RBFOX1: variants seen among roughly 807,000 people sequenced by gnomAD.
RBFOX1 encodes RNA binding fox-1 homolog 1.
Under a neutral mutation model 57.7 loss-of-function variants are expected in RBFOX1, and 8 were observed. The observed-to-expected ratio is 0.14, with a 90% CI of 0.08 to 0.25. The LOEUF (loss-of-function observed/expected upper bound fraction) is 0.25, where lower values mean the gene tolerates loss of function less well. Among genes scored for constraint, RBFOX1 ranks in the 10% least tolerant of loss-of-function variants. The pLI, the probability that RBFOX1 is intolerant of heterozygous loss-of-function variation, is 1.00. For missense variants in RBFOX1, 611 were observed against 548.5 expected (o/e 1.11, Z -1.14); for synonymous variants, 326 against 222.4 (o/e 1.47, Z -4.15).
chr16:5,638,261 G>T (rs762760534), intron 3 of RBFOX1, among the ~76,000 whole-genome samples: 127 of 152,288 alleles, frequency 8.3e-4, no homozygotes, highest in Non-Finnish European at 2.9e-4. Context: ...ACCCAGACAG[G>T]TGGAAGAGCC....
At chr16:6,584,134 C>T (rs576743458) in intron 2 of RBFOX1, among the ~76,000 whole-genome samples, 1 of 151,906 alleles carries the variant, frequency 6.6e-6, no homozygotes, top group South Asian at 2.1e-4. Context: ...CTAATGTATT[C>T]TGTGTTCCTA....
intron 4 of RBFOX1, among the ~76,000 whole-genome samples, chr16:5,989,058 C>T (rs1311093951): frequency 4.6e-5 from 7 of 151,704 alleles, no homozygotes; most frequent in Non-Finnish European, 1.0e-4. Flanking sequence ...CGGTGGCTCA[C>T]GCCTGTAATC....
chr16:5,965,684 T>C (rs1274097738), intron 4 of RBFOX1, among the ~76,000 whole-genome samples: 2 of 152,222 alleles, frequency 1.3e-5, no homozygotes, highest in Admixed American at 6.5e-5. Flanking sequence ...ACTGCGTCCC[T>C]AAACCCTGCC....
chr16:6,529,395 C>T (rs2096625353), intron 2 of RBFOX1, among the ~76,000 whole-genome samples: 1 of 151,894 alleles, frequency 6.6e-6, no homozygotes, highest in African/African-American at 2.4e-5. Flanking sequence ...CCCATCTCTA[C>T]TAAAAATACA....
At chr16:5,867,332 T>C (rs766276797) in exon 4 of RBFOX1, 1 of 1,207,244 alleles carries the variant, frequency 8.3e-7, no homozygotes, top group African/African-American at 1.6e-5. Context: ...CAGGCAAAGC[T>C]GAGGTAGGAA....
chr16:5,395,607 C>T (rs1417623812), intron 1 of RBFOX1, among the ~76,000 whole-genome samples: 1 of 152,152 alleles, frequency 6.6e-6, no homozygotes, highest in Non-Finnish European at 1.5e-5. Flanking sequence ...CTTAGGATCT[C>T]CACTTCCTGA....
chr16:6,163,080 C>A (rs1464541380), intron 1 of RBFOX1, among the ~76,000 whole-genome samples: 1 of 152,028 alleles, frequency 6.6e-6, no homozygotes, highest in East Asian at 1.9e-4. Context: ...CAAAATGAGA[C>A]CCAGAGAAGG....
chr16:6,570,687 T>A (rs927194861), intron 2 of RBFOX1, among the ~76,000 whole-genome samples: 5 of 152,216 alleles, frequency 3.3e-5, no homozygotes, highest in Non-Finnish European at 7.3e-5. Flanking sequence ...TGTAGATGAT[T>A]TTGCAGTATC....
intron 3 of RBFOX1, among the ~76,000 whole-genome samples, chr16:7,018,934 C>G (rs1225256320): frequency 6.6e-6 from 1 of 152,056 alleles, no homozygotes; most frequent in Non-Finnish European, 1.5e-5. Context: ...GCCTGGGCAA[C>G]ACAGTGAGAC....
At chr16:6,344,761 G>A (rs2085109396) in intron 2 of RBFOX1, among the ~76,000 whole-genome samples, 1 of 144,622 alleles carries the variant, frequency 6.9e-6, no homozygotes, top group Admixed American at 7.2e-5. Context: ...TATGATCTCG[G>A]CTTACTGCAA....
At chr16:7,226,382 A>G (rs985944933) in intron 4 of RBFOX1, among the ~76,000 whole-genome samples, 13 of 152,312 alleles carry the variant, frequency 8.5e-5, no homozygotes, top group African/African-American at 3.1e-4. Flanking sequence ...AATTTCCAGC[A>G]GGTGTAAGGG....
intron 2 of RBFOX1, among the ~76,000 whole-genome samples, chr16:6,581,387 G>A (rs2097535409): frequency 6.6e-6 from 1 of 152,156 alleles, no homozygotes. Context: ...CTTTTAGGGT[G>A]CTTTATTTTG....
chr16:6,339,218 T>A (rs377114626), intron 2 of RBFOX1, among the ~76,000 whole-genome samples: 1 of 152,164 alleles, frequency 6.6e-6, no homozygotes, highest in Non-Finnish European at 1.5e-5. Context: ...ATTTCCACAA[T>A]TGAGGAGTGT....
intron 2 of RBFOX1, among the ~76,000 whole-genome samples, chr16:5,504,358 C>T (rs953174045): frequency 2.0e-5 from 3 of 152,242 alleles, no homozygotes. Context: ...GCAACGCTTG[C>T]CCAGCCTGGC....
At chr16:7,208,130 G>A (rs953593636) in intron 4 of RBFOX1, among the ~76,000 whole-genome samples, 1 of 152,324 alleles carries the variant, frequency 6.6e-6, no homozygotes, top group Admixed American at 6.5e-5. Flanking sequence ...GGCTGTTTAT[G>A]TATCCCTGGA....
intron 4 of RBFOX1, among the ~76,000 whole-genome samples, chr16:7,326,460 TG>T (rs1466642948): frequency 2.0e-5 from 3 of 151,958 alleles, no homozygotes; most frequent in African/African-American, 7.3e-5. Context: ...GGGGTGTTGG[TG>T]GGGCACTGAA....
chr16:6,917,671 G>T (rs747275502), intron 3 of RBFOX1, among the ~76,000 whole-genome samples: 58 of 152,206 alleles, frequency 3.8e-4, no homozygotes, highest in Admixed American at 2.2e-3. Flanking sequence ...TGTTTTGAAG[G>T]AGGGTCTGTG....
intron 1 of RBFOX1, among the ~76,000 whole-genome samples, chr16:5,437,125 G>A (rs1347897928): frequency 1.3e-5 from 2 of 152,124 alleles, no homozygotes; most frequent in Non-Finnish European, 2.9e-5. Flanking sequence ...TTTATAAATT[G>A]TAGTAAGAAA....
At chr16:5,303,633 C>T (rs75390227) in intron 1 of RBFOX1, among the ~76,000 whole-genome samples, 2,330 of 152,190 alleles carry the variant, frequency 0.015, 58 homozygotes, top group African/African-American at 0.053. Context: ...CTTCCTCTCT[C>T]CCCCACCACA....
Sources: gnomAD v4.1 joint callset for allele counts (sites outside exome capture counted in the v4.1 genomes callset) on GRCh38, gnomAD v4.1.1 for gene constraint, MANE v1.5 for transcripts, NCBI Gene and HGNC (gene_info 2026-07-23, HGNC 2026-07-21) for gene names.